Variants in WWOX observed in about 807,000 individuals in gnomAD.
WWOX encodes WW domain containing oxidoreductase, also known as WW domain-containing oxidoreductase.
WWOX carries 69 observed loss-of-function variants against 46.2 expected under a neutral mutation model. The observed-to-expected ratio is 1.49, with a 90% CI of 1.23 to 1.82. The LOEUF (loss-of-function observed/expected upper bound fraction) is 1.82, where lower values mean the gene tolerates loss of function less well. Ranked by LOEUF, WWOX falls within the 40% of genes most tolerant of loss-of-function variation. The pLI, the probability that WWOX is intolerant of heterozygous loss-of-function variation, is 0.00. For synonymous variants in WWOX, 359 were observed against 202.6 expected, an observed-to-expected ratio of 1.77 and a Z score of -6.56; for missense variants, 919 against 542.6, an observed-to-expected ratio of 1.69 and a Z score of -6.89.
intron 8 of WWOX, among the ~76,000 whole-genome samples, chr16:79,175,255 T>G (rs772220542): frequency 9.2e-5 from 14 of 152,242 alleles, no homozygotes; most frequent in Non-Finnish European, 4.4e-5. Context: ...AGTGATGAAA[T>G]GTTACAGATC....
At chr16:78,472,209 G>C (rs934409636) in intron 8 of WWOX, among the ~76,000 whole-genome samples, 3 of 152,054 alleles carry the variant, frequency 2.0e-5, no homozygotes, top group African/African-American at 7.2e-5. Flanking sequence ...CCAATACAAG[G>C]AACTGGCTGC....
chr16:78,181,859 G>A (rs1473413430), intron 5 of WWOX, among the ~76,000 whole-genome samples: 1 of 152,120 alleles, frequency 6.6e-6, no homozygotes, highest in African/African-American at 2.4e-5. Flanking sequence ...AGATGTATAA[G>A]TGGATAAACT....
intron 8 of WWOX, among the ~76,000 whole-genome samples, chr16:78,841,312 C>G (rs2052143000): frequency 6.6e-6 from 1 of 152,170 alleles, no homozygotes; most frequent in Admixed American, 6.5e-5. Context: ...TGTGATCTGT[C>G]TACATATGTA....
At chr16:78,267,972 C>G (rs943967381) in intron 5 of WWOX, among the ~76,000 whole-genome samples, 4 of 152,098 alleles carry the variant, frequency 2.6e-5, no homozygotes, top group East Asian at 1.9e-4. Flanking sequence ...TGCGTGCCCC[C>G]ACGCCTGGCT....
intron 4 of WWOX, among the ~76,000 whole-genome samples, chr16:78,128,975 C>A (rs973624622): frequency 6.6e-6 from 1 of 152,094 alleles, no homozygotes; most frequent in African/African-American, 2.4e-5. Flanking sequence ...AGTTCACGTA[C>A]AGTTACTAGA....
intron 8 of WWOX, among the ~76,000 whole-genome samples, chr16:78,861,274 C>T (rs888421019): frequency 1.3e-5 from 2 of 152,198 alleles, no homozygotes; most frequent in Admixed American, 6.5e-5. Context: ...CAAGCTGGGA[C>T]GTAAGTCTTC....
chr16:78,484,274 A>T (rs1356567516), intron 8 of WWOX, among the ~76,000 whole-genome samples: 2 of 152,146 alleles, frequency 1.3e-5, no homozygotes, highest in African/African-American at 4.8e-5. Context: ...AGTACTATAC[A>T]TTTGTCTTAA....
intron 8 of WWOX, among the ~76,000 whole-genome samples, chr16:78,659,005 T>C (rs1382927706): frequency 6.7e-6 from 1 of 149,214 alleles, no homozygotes; most frequent in African/African-American, 2.5e-5. Context: ...GGCAGAAGAA[T>C]CCCTTGAACC....
chr16:78,499,349 C>A (rs1376975367), intron 8 of WWOX, among the ~76,000 whole-genome samples: 1 of 152,118 alleles, frequency 6.6e-6, no homozygotes, highest in Non-Finnish European at 1.5e-5. Flanking sequence ...TGGGTTTGGC[C>A]CACGGGAGAC....
At chr16:79,140,409 C>G (rs757185744) in intron 8 of WWOX, among the ~76,000 whole-genome samples, 1 of 152,196 alleles carries the variant, frequency 6.6e-6, no homozygotes, top group African/African-American at 2.4e-5. Flanking sequence ...ATCACTTGCC[C>G]TTTGCTGATG....
chr16:79,033,133 G>A (rs934546223), intron 8 of WWOX, among the ~76,000 whole-genome samples: 2 of 147,740 alleles, frequency 1.4e-5, no homozygotes, highest in African/African-American at 4.9e-5. Context: ...GTATTCCACG[G>A]TGTAGATGTA....
At chr16:78,266,609 G>A (rs1047109260) in intron 5 of WWOX, among the ~76,000 whole-genome samples, 1 of 152,142 alleles carries the variant, frequency 6.6e-6, no homozygotes, top group African/African-American at 2.4e-5. Context: ...TACCTGTAGG[G>A]ATGTAGGTGA....
chr16:78,509,841 A>C (rs988974168), intron 8 of WWOX, among the ~76,000 whole-genome samples: 1 of 151,620 alleles, frequency 6.6e-6, no homozygotes, highest in African/African-American at 2.4e-5. Flanking sequence ...CAAATTCAGC[A>C]CTTTGGGAGG....
intron 8 of WWOX, among the ~76,000 whole-genome samples, chr16:78,966,340 T>C (rs2046362931): frequency 6.6e-6 from 1 of 152,180 alleles, no homozygotes; most frequent in Non-Finnish European, 1.5e-5. Flanking sequence ...TCTTTCCGTT[T>C]ACTGTACACC....
intron 8 of WWOX, among the ~76,000 whole-genome samples, chr16:78,643,199 T>G (rs897314348): frequency 2.6e-5 from 4 of 152,226 alleles, no homozygotes; most frequent in Non-Finnish European, 5.9e-5. Flanking sequence ...CTTGCCCTCT[T>G]AATGTCTAAG....
At chr16:78,863,142 G>C (rs530701924) in intron 8 of WWOX, among the ~76,000 whole-genome samples, 2 of 152,076 alleles carry the variant, frequency 1.3e-5, no homozygotes, top group South Asian at 2.1e-4. Flanking sequence ...ATTTTTAATA[G>C]AGATGGGGTT....
chr16:79,035,408 A>G lies in WWOX; in HGVS notation c.1057-176200A>G, dbSNP rs528559067. ...AGACAGTGGCCAAGGGAGGTGAACT[A>G]AAGTTGGTGCTGTGAACAGGGCTAA... On this transcript the variant is annotated intron_variant, in intron 8 of 8. Coordinates refer to ENST00000566780, the MANE Select transcript of WWOX (RefSeq NM_016373.4). Among the ~76,000 whole-genome samples the G allele has an allele frequency of 3.3e-5, 5 of 152,178 alleles. No individual in the cohort carries two copies. The East Asian group carries it at 7.7e-4, about 24-fold the overall frequency.
intron 8 of WWOX, among the ~76,000 whole-genome samples, chr16:78,676,178 A>G (rs2047594828): frequency 6.6e-6 from 1 of 151,832 alleles, no homozygotes; most frequent in Non-Finnish European, 1.5e-5. Flanking sequence ...TCTTCTCTAT[A>G]GCTTGCTGTC....
At chr16:79,086,741 G>A (rs2048860841) in intron 8 of WWOX, among the ~76,000 whole-genome samples, 1 of 152,186 alleles carries the variant, frequency 6.6e-6, no homozygotes, top group Non-Finnish European at 1.5e-5. Flanking sequence ...AAATTAGCCA[G>A]GCATGGTGCT....
Sources: allele counts gnomAD v4.1 joint callset (sites outside exome capture counted in the v4.1 genomes callset), GRCh38; gene constraint gnomAD v4.1.1; transcripts MANE v1.5; gene names NCBI Gene and HGNC (gene_info 2026-07-23, HGNC 2026-07-21).